CPNE4: variants seen among roughly 807,000 people sequenced by gnomAD.
CPNE4 encodes the protein copine-4.
A neutral mutation model predicts 67.9 loss-of-function variants in CPNE4; 25 were observed. That is an observed-to-expected ratio of 0.37 (90% confidence interval 0.27 to 0.51). The LOEUF is 0.51. Ranked by LOEUF, CPNE4 falls within the 20% of genes least tolerant of loss-of-function variation. CPNE4 has a pLI of 0.93. For missense variants in CPNE4, 464 were observed against 690.8 expected (o/e 0.67, Z 3.68); for synonymous variants, 242 against 244.9 (o/e 0.99, Z 0.11).
intron 8 of CPNE4, among the ~76,000 whole-genome samples, chr3:131,584,368 A>G (rs1487344259): frequency 1.3e-5 from 2 of 152,152 alleles, no homozygotes; most frequent in Admixed American, 6.5e-5. Context: ...CGCTACCACA[A>G]TTCTTCCTTA....
At chr3:132,001,602 AGAAAG>A (rs1264564090) in intron 1 of CPNE4, among the ~76,000 whole-genome samples, 1 of 151,324 alleles carries the variant, frequency 6.6e-6, no homozygotes. Context: ...AAAGAAAGAA[AGAAAG>A]AAAGAAAGAA....
rs561669113 is a variant in CPNE4 at position 131,947,389 on chromosome 3, C to T, written c.-1-41945G>A. The stretch of plus-strand genomic sequence containing the variant: ...GTCCTAATGCTCTTTCTCCCCTTTC[C>T]TCCCACCCCCCAATAGGCCCCAGTG... On this transcript the variant is annotated intron_variant, in intron 1 of 15. Transcript: ENST00000429747. 1.6e-4 allele frequency among the ~76,000 whole-genome samples: 24 copies of T among 152,178 alleles called. 2 individuals are homozygous for T. In the South Asian group the frequency reaches 4.8e-3, roughly 30 times the overall value.
chr3:131,612,887 G>A (rs906474885), intron 7 of CPNE4, among the ~76,000 whole-genome samples: 1 of 152,200 alleles, frequency 6.6e-6, no homozygotes, highest in African/African-American at 2.4e-5. Flanking sequence ...ATGTGTGCTA[G>A]GAGGAAAAGA....
intron 1 of CPNE4, among the ~76,000 whole-genome samples, chr3:131,932,422 T>C (rs1305661020): frequency 1.3e-5 from 2 of 152,028 alleles, no homozygotes; most frequent in African/African-American, 4.8e-5. Flanking sequence ...TAGGTACTCA[T>C]GATTAAGTGG....
At chr3:131,839,819 A>T (rs2085703565) in intron 2 of CPNE4, among the ~76,000 whole-genome samples, 1 of 152,190 alleles carries the variant, frequency 6.6e-6, no homozygotes, top group African/African-American at 2.4e-5. Context: ...AGGTAACCCC[A>T]GGCAGATTGT....
At chr3:131,796,553 T>C (rs958490205) in intron 2 of CPNE4, among the ~76,000 whole-genome samples, 6 of 152,170 alleles carry the variant, frequency 3.9e-5, no homozygotes, top group Non-Finnish European at 1.5e-5. Context: ...AATAAATACA[T>C]TTTTTCTAAG....
chr3:131,955,410 G>GTTTTTTTTTTTGTTTTTTTTTTGTTTT (rs2071920229), intron 1 of CPNE4, among the ~76,000 whole-genome samples: 8 of 42,266 alleles, frequency 1.9e-4, no homozygotes, highest in African/African-American at 7.4e-4. Context: ...TGTATGTAAG[G>GTTTTTTTTTTTGTTTTTTTTTTGTTTT]TTTTTTTTTT....
At chr3:131,918,750 C>G (rs907604813) in intron 1 of CPNE4, among the ~76,000 whole-genome samples, 3 of 152,058 alleles carry the variant, frequency 2.0e-5, no homozygotes, top group Admixed American at 6.6e-5. Context: ...AGAGCCATTA[C>G]TATGTTAATT....
At chr3:131,550,650 GACTT>G (rs1559881821) in intron 13 of CPNE4, among the ~76,000 whole-genome samples, 1 of 152,070 alleles carries the variant, frequency 6.6e-6, no homozygotes, top group African/African-American at 2.4e-5. Context: ...CAGGAATCAT[GACTT>G]ACTTATTTTT....
intron 2 of CPNE4, among the ~76,000 whole-genome samples, chr3:131,798,183 G>C (rs2083972747): frequency 6.6e-6 from 1 of 152,084 alleles, no homozygotes; most frequent in Non-Finnish European, 1.5e-5. Context: ...GTATTTGGGA[G>C]GGGGAACACA....
At chr3:131,992,461 G>T (rs758378557) in intron 1 of CPNE4, among the ~76,000 whole-genome samples, 7 of 136,670 alleles carry the variant, frequency 5.1e-5, no homozygotes, top group African/African-American at 7.4e-5. Flanking sequence ...ATTTGGAATG[G>T]TTCCAATGTT....
intron 1 of CPNE4, among the ~76,000 whole-genome samples, chr3:131,929,214 A>AT: frequency 7.7e-6 from 1 of 130,364 alleles, no homozygotes; most frequent in Non-Finnish European, 1.6e-5. Context: ...AAAAAAAAAA[A>AT]AAAAGATTTT....
chr3:131,644,397 T>G (rs2079612139), intron 7 of CPNE4, among the ~76,000 whole-genome samples: 1 of 152,144 alleles, frequency 6.6e-6, no homozygotes, highest in Non-Finnish European at 1.5e-5. Context: ...TCTGCCTGCC[T>G]TGTCCTCCCA....
At chr3:131,587,403 T>C in intron 8 of CPNE4, 81 bp downstream of exon 8, 2 of 867,996 alleles carry the variant, frequency 2.3e-6, no homozygotes, top group Non-Finnish European at 2.0e-6. Context: ...ATGTTTTGCC[T>C]CTTGCTGTTT....
chr3:132,009,745 G>A (rs2073702739), intron 1 of CPNE4, among the ~76,000 whole-genome samples: 1 of 152,214 alleles, frequency 6.6e-6, no homozygotes, highest in African/African-American at 2.4e-5. Context: ...AGTTATGTAA[G>A]TAACTCTCAC....
At chr3:131,815,785 G>A (rs1396215556) in intron 2 of CPNE4, among the ~76,000 whole-genome samples, 1 of 152,286 alleles carries the variant, frequency 6.6e-6, no homozygotes, top group East Asian at 1.9e-4. Context: ...ACAAACAAGG[G>A]GTTGCGATCA....
chr3:131,807,918 TTGAATGAA>T (rs377393985), intron 2 of CPNE4, among the ~76,000 whole-genome samples: 1 of 152,126 alleles, frequency 6.6e-6, no homozygotes, highest in East Asian at 1.9e-4. Context: ...TCGTTATTAG[TTGAATGAA>T]TGAATGAATG....
chr3:131,563,607 T>C lies in CPNE4; in HGVS notation c.1061+609A>G, dbSNP rs1502663. On this transcript the variant is annotated intron_variant, in intron 11 of 15. Transcript: ENST00000429747. Reference sequence around the variant, plus strand: ...ACACATGCACCTGGCTACATACATGTGCCACACCCTCTGCTGAAGTTACCA... The same window carrying C: ...ACACATGCACCTGGCTACATACATGCGCCACACCCTCTGCTGAAGTTACCA... Among the ~76,000 whole-genome samples, 1,092 of 152,118 alleles carry C rather than the reference T, an allele frequency of 7.2e-3. 17 individuals carry two copies. Among genetic ancestry groups the C allele is most frequent in the African/African-American group, 0.025 (1,036 of 41,534 alleles).
At chr3:131,808,624 A>T (rs561458153) in intron 2 of CPNE4, among the ~76,000 whole-genome samples, 2 of 152,210 alleles carry the variant, frequency 1.3e-5, no homozygotes, top group East Asian at 1.9e-4. Flanking sequence ...AAATAAGCTC[A>T]TTATACAATC....
Sources: gnomAD v4.1 joint callset for allele counts (sites outside exome capture counted in the v4.1 genomes callset) on GRCh38, gnomAD v4.1.1 for gene constraint, MANE v1.5 for transcripts, NCBI Gene and HGNC (gene_info 2026-07-23, HGNC 2026-07-21) for gene names.